Variants in SORCS2 observed in about 807,000 individuals in gnomAD.
The protein encoded by SORCS2 is VPS10 domain-containing receptor SorCS2.
Under a neutral mutation model 141.6 loss-of-function variants are expected in SORCS2, and 100 were observed. The observed-to-expected ratio is 0.71, with a 90% CI of 0.60 to 0.83. The LOEUF is 0.83. Ranked by LOEUF, SORCS2 falls within the 40% of genes least tolerant of loss-of-function variation. The pLI is 0.00. For synonymous variants in SORCS2, 789 were observed against 676.9 expected (o/e 1.17, Z -2.57); for missense variants, 1,646 against 1,560.2 (o/e 1.05, Z -0.93).
intron 1 of SORCS2, among the ~76,000 whole-genome samples, chr4:7,263,604 G>A (rs902996040): frequency 6.6e-6 from 1 of 152,220 alleles, no homozygotes; most frequent in Admixed American, 6.5e-5. Flanking sequence ...AAGAAGCCTT[G>A]TTCAGCAGCT....
intron 3 of SORCS2, among the ~76,000 whole-genome samples, chr4:7,630,587 A>G (rs1321110699): frequency 6.6e-6 from 1 of 152,142 alleles, no homozygotes; most frequent in Non-Finnish European, 1.5e-5. Context: ...TTCTCCTGAA[A>G]CACCAGGCTA....
chr4:7,719,470 G>C (rs1170644858), intron 18 of SORCS2, among the ~76,000 whole-genome samples: 2 of 152,238 alleles, frequency 1.3e-5, no homozygotes, highest in Non-Finnish European at 2.9e-5. Flanking sequence ...GGCAGGGCTG[G>C]CGTTGGGGTC....
At chr4:7,660,478 G>A (rs1028410674) in intron 5 of SORCS2, among the ~76,000 whole-genome samples, 1 of 152,154 alleles carries the variant, frequency 6.6e-6, no homozygotes, top group Non-Finnish European at 1.5e-5. Flanking sequence ...TTTCCTTCAC[G>A]GCTTCTCTGA....
At chr4:7,342,256 T>G (rs13115315) in intron 1 of SORCS2, among the ~76,000 whole-genome samples, 47,348 of 152,070 alleles carry the variant, frequency 0.31, 8,286 homozygotes, top group East Asian at 0.48. Context: ...TGGGTCTGCC[T>G]CCTCCCCTGA....
rs764895862 is a variant in SORCS2 at position 7,734,287 on chromosome 4, G to T, written c.3224G>T (p.Gly1075Val). 1 of 1,601,544 alleles carries T rather than the reference G, an allele frequency of 6.2e-7. No homozygotes were observed. Among genetic ancestry groups the T allele is most frequent in the Non-Finnish European group, 8.5e-7 (1 of 1,175,188 alleles). ...RDTGTGAEQL[G>V]GGGGYWAVVV... The stretch of plus-strand genomic sequence containing the variant: ...TTGCTTGCAGGTGCTGAGCAGCTGG[G>T]CGGCGGTGGCGGCTACTGGGCGGTA... Residue 1075 changes from glycine (G) to valine (V), a missense_variant, in exon 25 of 27, where the codon GGC becomes GTC. By Grantham distance (109) the Gly-to-Val change is moderately radical (BLOSUM62 -3). Transcript: ENST00000507866.
At position 7,558,667 on chromosome 4, in the gene SORCS2, C is replaced by T. The variant is rs578262460; in HGVS notation, c.648+27038C>T. On this transcript the variant is annotated intron_variant, in intron 3 of 26. Coordinates refer to ENST00000507866, the MANE Select transcript of SORCS2 (RefSeq NM_020777.3). ...CCTATGACCGGCACAGGGACACCCACGCCCTGCACCGCTATCCTGTGCCTG... is the reference window on the plus strand; with the variant it reads ...CCTATGACCGGCACAGGGACACCCATGCCCTGCACCGCTATCCTGTGCCTG... Among the ~76,000 whole-genome samples, 7 of 152,330 alleles carry T rather than the reference C, an allele frequency of 4.6e-5. No homozygotes were observed. In the South Asian group the frequency reaches 8.3e-4, roughly 18 times the overall value.
intron 1 of SORCS2, among the ~76,000 whole-genome samples, chr4:7,240,053 C>T (rs11931042): frequency 0.18 from 26,770 of 152,100 alleles, 2,971 homozygotes; most frequent in African/African-American, 0.31. Context: ...ACTGTAGACC[C>T]GGTTTCTAAT....
intron 2 of SORCS2, among the ~76,000 whole-genome samples, chr4:7,474,854 G>C (rs554146492): frequency 1.3e-5 from 2 of 152,242 alleles, no homozygotes; most frequent in South Asian, 2.1e-4. Context: ...GCAGGGCCAG[G>C]CTCCCTCTAT....
intron 14 of SORCS2, 125 bp from the exon 15 acceptor site, chr4:7,712,608 C>A: frequency 7.2e-7 from 1 of 1,384,964 alleles, no homozygotes; most frequent in Admixed American, 1.8e-5. Context: ...CCAGCAAGGG[C>A]AGGAGAAGGA....
At chr4:7,650,947 C>T (rs77835122) in intron 4 of SORCS2, among the ~76,000 whole-genome samples, 1,813 of 152,236 alleles carry the variant, frequency 0.012, 36 homozygotes, top group African/African-American at 0.041. Context: ...ATAGTCCATC[C>T]TCCCTTGAGA....
intron 1 of SORCS2, among the ~76,000 whole-genome samples, chr4:7,217,419 T>C (rs913147679): frequency 6.6e-6 from 1 of 152,234 alleles, no homozygotes; most frequent in Non-Finnish European, 1.5e-5. Flanking sequence ...CCAACTCGCC[T>C]GGCTCGTGGC....
rs901663394 is a variant in SORCS2 at position 7,664,287 on chromosome 4, A to G, written c.953-66A>G. On this transcript the variant is annotated intron_variant, in intron 6 of 26. Coordinates refer to ENST00000507866, the MANE Select transcript of SORCS2 (RefSeq NM_020777.3). This position sits in a 1 kb window ranked among gnomAD's most constrained non-coding sequence, Gnocchi z 4.7. ...ATTGGAGGAAGATGGAGTCCAGCAC[A>G]TGTCTCGGGCCGTCTCTGGCTCCGG... 17 of 1,319,186 alleles carry G rather than the reference A, an allele frequency of 1.3e-5. No individual in the cohort carries two copies. Among genetic ancestry groups the G allele is most frequent in the Non-Finnish European group, 1.7e-5 (16 of 934,270 alleles). The allele number at this position is 1,319,186 out of a possible 1,614,324, so 81.7% of individuals were successfully genotyped here. A position where few individuals can be genotyped will look rare whatever the true frequency, so the allele number is the denominator to read the frequency against.
At chr4:7,684,992 CA>C in intron 10 of SORCS2, among the ~76,000 whole-genome samples, 1 of 152,236 alleles carries the variant, frequency 6.6e-6, no homozygotes, top group Non-Finnish European at 1.5e-5. Context: ...ACTCACCTCT[CA>C]GGGGCCGGCT....
chr4:7,602,249 C>A (rs1336568336), intron 3 of SORCS2, among the ~76,000 whole-genome samples: 1 of 149,082 alleles, frequency 6.7e-6, no homozygotes, highest in East Asian at 1.9e-4. Flanking sequence ...GGTGGCCAGG[C>A]AGAGGCGCCC....
intron 2 of SORCS2, among the ~76,000 whole-genome samples, chr4:7,445,586 G>A (rs1412491072): frequency 6.6e-6 from 1 of 152,200 alleles, no homozygotes; most frequent in Non-Finnish European, 1.5e-5. Context: ...TTCAGAAGCT[G>A]GGCGCTGAAG....
In SORCS2 at chr4:7,571,764, C is replaced by T. The variant is rs1169723511; in HGVS notation, c.648+40135C>T. Among the ~76,000 whole-genome samples the T allele has an allele frequency of 2.6e-5, 4 of 152,282 alleles. No individual in the cohort carries two copies. The South Asian group carries it at 8.3e-4, about 32-fold the overall frequency. ...GCTTCAAAGCCTCAGCACCAAGCGA[C>T]GTTGAATTATGGACGTCATTCAGTG... On this transcript the variant is annotated intron_variant, in intron 3 of 26. Transcript: ENST00000507866.
chr4:7,341,715 C>T (rs1033902893), intron 1 of SORCS2, among the ~76,000 whole-genome samples: 2 of 152,234 alleles, frequency 1.3e-5, no homozygotes, highest in South Asian at 4.1e-4. Flanking sequence ...GAAATTCACA[C>T]AGCATACAAT....
intron 1 of SORCS2, among the ~76,000 whole-genome samples, chr4:7,379,240 C>T (rs1361241909): frequency 1.3e-5 from 2 of 152,126 alleles, no homozygotes; most frequent in Non-Finnish European, 2.9e-5. Context: ...GTTGACTCCC[C>T]AGGGTGCAGC....
At chr4:7,430,048 C>G (rs1315265621) in intron 2 of SORCS2, among the ~76,000 whole-genome samples, 1 of 152,126 alleles carries the variant, frequency 6.6e-6, no homozygotes, top group Non-Finnish European at 1.5e-5. Context: ...GAAGCTTTTC[C>G]AGGCCCGCTT....
Sources: allele counts gnomAD v4.1 joint callset (sites outside exome capture counted in the v4.1 genomes callset), GRCh38; gene constraint gnomAD v4.1.1; non-coding constraint Gnocchi (gnomAD v3.1); transcripts MANE v1.5; gene names NCBI Gene and HGNC (gene_info 2026-07-23, HGNC 2026-07-21).